Variants in LHPP observed in about 807,000 individuals in gnomAD.
LHPP encodes hLHPP.
In LHPP, 24 loss-of-function variants were observed where a neutral mutation model predicts 30.3. The observed-to-expected ratio is 0.79, with a 90% confidence interval of 0.57 to 1.11. LHPP has a LOEUF of 1.11. Among genes scored for constraint, LHPP ranks in the 50% most tolerant of loss-of-function variants. LHPP has a pLI of 0.00. For missense variants in LHPP, 356 were observed against 367.2 expected (o/e 0.97, Z 0.25); for synonymous variants, 150 against 157.1 (o/e 0.95, Z 0.34).
Position 124,536,353 on chromosome 10 carries a change from G to A in LHPP, c.716+19082G>A, listed in dbSNP as rs535321102. ...TGTCTGGAACCAGGAAAGAGGAAGC[G>A]GTAGTGTTCCCGCATGCAGTCCCAA... On this transcript the variant is annotated intron_variant, in intron 6 of 6. Coordinates refer to ENST00000368842, the MANE Select transcript of LHPP (RefSeq NM_022126.4). 7.9e-5 allele frequency among the ~76,000 whole-genome samples: 12 copies of A among 152,364 alleles called. No homozygotes were observed. The South Asian group carries it at 1.9e-3, about 24-fold the overall frequency.
Position 124,563,313 on chromosome 10 carries a change from C to CTTTTTTTTTTTTT in LHPP, c.716+46045_716+46057dup, listed in dbSNP as rs58678509. On this transcript the variant is annotated intron_variant, in intron 6 of 6. Transcript: ENST00000368842. ...AGAAACAATCTCTCTCTCTCTTTTT[C>CTTTTTTTTTTTTT]TTTTTTTTTTTTTTTGCATAAAATC... Among the ~76,000 whole-genome samples the CTTTTTTTTTTTTT allele has an allele frequency of 1.4e-5, 2 of 138,988 alleles. 1 individual carries two copies. Among genetic ancestry groups the CTTTTTTTTTTTTT allele is most frequent in the Non-Finnish European group, 3.1e-5 (2 of 65,448 alleles). 91.2% of individuals were successfully genotyped at this position (138,988 alleles called of 152,430 possible). A position where few individuals can be genotyped will look rare whatever the true frequency, so the allele number is the denominator to read the frequency against.
At chr10:124,550,692 C>T (rs1024374392) in intron 6 of LHPP, among the ~76,000 whole-genome samples, 12 of 152,190 alleles carry the variant, frequency 7.9e-5, no homozygotes, top group African/African-American at 2.4e-4. Flanking sequence ...CTTGGCTGAT[C>T]GTGGGGAAGA....
At chr10:124,467,404 G>A (rs1467562072) in intron 1 of LHPP, among the ~76,000 whole-genome samples, 1 of 150,966 alleles carries the variant, frequency 6.6e-6, no homozygotes, top group Non-Finnish European at 1.5e-5. Flanking sequence ...GCAGGGAGGG[G>A]GTCATGGGGC....
intron 5 of LHPP, among the ~76,000 whole-genome samples, chr10:124,499,811 T>C (rs1043940346): frequency 6.6e-6 from 1 of 151,924 alleles, no homozygotes; most frequent in Non-Finnish European, 1.5e-5. Flanking sequence ...CACTGGTGCC[T>C]CATGGTGCTT....
At chr10:124,612,952 T>A (rs1949220886) in intron 6 of LHPP, 1 of 420,688 alleles carries the variant, frequency 2.4e-6, no homozygotes, top group South Asian at 2.5e-5. Context: ...CCATCCAAGG[T>A]GAGATGTCTG....
intron 1 of LHPP, among the ~76,000 whole-genome samples, chr10:124,475,876 G>T (rs1182332204): frequency 6.6e-6 from 1 of 152,162 alleles, no homozygotes. Context: ...CTGGGCCTTA[G>T]TATCCCCCTC....
At chr10:124,539,564 C>T (rs964006114) in intron 6 of LHPP, among the ~76,000 whole-genome samples, 4 of 151,950 alleles carry the variant, frequency 2.6e-5, no homozygotes, top group Admixed American at 6.6e-5. Context: ...AGCTCGAGAC[C>T]GCCTCTACTA....
In LHPP at chr10:124,530,361, G is replaced by A. The variant is rs193171807; in HGVS notation, c.716+13090G>A. On this transcript the variant is annotated intron_variant, in intron 6 of 6. Transcript: ENST00000368842. The stretch of plus-strand genomic sequence containing the variant: ...GGCCGGGCCTGCTGGAGCCAGGGCC[G>A]ATGCACGCACAGCTACATACACTCA... Among the ~76,000 whole-genome samples the A allele has an allele frequency of 9.9e-5, 15 of 152,232 alleles. No individual in the cohort carries two copies. The East Asian group carries it at 2.3e-3, about 24-fold the overall frequency.
At chr10:124,598,979 C>A (rs1948988270) in intron 6 of LHPP, among the ~76,000 whole-genome samples, 1 of 150,186 alleles carries the variant, frequency 6.7e-6, no homozygotes, top group South Asian at 2.1e-4. Flanking sequence ...GTCCTTCCAT[C>A]TCCATCTATC....
At chr10:124,532,024 C>A (rs1954912539) in intron 6 of LHPP, among the ~76,000 whole-genome samples, 1 of 152,174 alleles carries the variant, frequency 6.6e-6, no homozygotes, top group Admixed American at 6.5e-5. Context: ...CTATGTAATT[C>A]AGTGGGTTAT....
Position 124,592,354 on chromosome 10 carries a change from C to T in LHPP, c.717-20910C>T, listed in dbSNP as rs368420340. ...TCACCCAGCCCCGGGCTGGCCCTGTCAGCTCTCGAACTGCAGCATACCCGA... is the reference window on the plus strand; with the variant it reads ...TCACCCAGCCCCGGGCTGGCCCTGTTAGCTCTCGAACTGCAGCATACCCGA... On this transcript the variant is annotated intron_variant, in intron 6 of 6. Coordinates refer to ENST00000368842, the MANE Select transcript of LHPP (RefSeq NM_022126.4). The surrounding 1 kb of genome is among the most constrained non-coding windows in gnomAD (Gnocchi z 6.2). Among the ~76,000 whole-genome samples, 1 of 152,196 alleles carries T rather than the reference C, an allele frequency of 6.6e-6. No individual in the cohort carries two copies. The highest frequency in any genetic ancestry group is 1.5e-5 in the Non-Finnish European group (1 of 68,030).
At chr10:124,490,130 C>G in intron 3 of LHPP, 1 of 175,074 alleles carries the variant, frequency 5.7e-6, no homozygotes, top group South Asian at 1.2e-4. Context: ...GTGGGTGTCT[C>G]TCTGTGAGTG....
In LHPP at chr10:124,560,641, C is replaced by G. The variant is rs533880377; in HGVS notation, c.716+43370C>G. Among the ~76,000 whole-genome samples the G allele has an allele frequency of 1.8e-4, 27 of 152,322 alleles. 1 individual carries two copies. Among genetic ancestry groups the G allele is most frequent in the African/African-American group, 6.3e-4 (26 of 41,554 alleles). ...GCCTCTAGAGAACATGCCGTGCTCC[C>G]GACGTCAGGCTCACAGGTGAGCGGG... On this transcript the variant is annotated intron_variant, in intron 6 of 6. Transcript: ENST00000368842.
chr10:124,518,337 C>T (rs1385249324), intron 6 of LHPP, among the ~76,000 whole-genome samples: 1 of 152,344 alleles, frequency 6.6e-6, no homozygotes, highest in Admixed American at 6.5e-5. Flanking sequence ...ACTCACAAGC[C>T]ACAGGAACGT....
At chr10:124,567,724 TATGCACACAC>T (rs893234630) in intron 6 of LHPP, among the ~76,000 whole-genome samples, 16 of 152,302 alleles carry the variant, frequency 1.1e-4, no homozygotes, top group African/African-American at 3.9e-4. Flanking sequence ...TAGACACGCA[TATGCACACAC>T]ATGCACACTC....
At position 124,498,285 on chromosome 10, in the gene LHPP, G is replaced by A. The variant is rs1268127331; in HGVS notation, c.624+157G>A. 3.2e-6 allele frequency: 5 copies of A among 1,564,918 alleles called. No individual in the cohort carries two copies. In the African/African-American group the frequency reaches 5.4e-5, roughly 17 times the overall value. Reference sequence around the variant, plus strand: ...AGCTGACCTGGCTGGGAAGGAGGGGGAAGACAGCAAACGAAATCCACTGAA... The same window carrying A: ...AGCTGACCTGGCTGGGAAGGAGGGGAAAGACAGCAAACGAAATCCACTGAA... On this transcript the variant is annotated intron_variant, in intron 5 of 6. Coordinates refer to ENST00000368842, the MANE Select transcript of LHPP (RefSeq NM_022126.4).
chr10:124,494,450 G>C (rs916342625), intron 3 of LHPP, among the ~76,000 whole-genome samples: 1 of 152,180 alleles, frequency 6.6e-6, no homozygotes, highest in Admixed American at 6.5e-5. Context: ...CATTTCCTGT[G>C]TGGGGTATAT....
At chr10:124,485,504 A>AT (rs1041038097) in intron 2 of LHPP, among the ~76,000 whole-genome samples, 58 of 150,130 alleles carry the variant, frequency 3.9e-4, no homozygotes, top group Middle Eastern at 3.4e-3. Context: ...CAGACTTGGA[A>AT]TTTTTTTTTT....
At chr10:124,546,972 C>T (rs1437843462) in intron 6 of LHPP, among the ~76,000 whole-genome samples, 12 of 152,232 alleles carry the variant, frequency 7.9e-5, no homozygotes, top group East Asian at 3.9e-4. Flanking sequence ...GCTCTTAACC[C>T]GCCTCCCACC....
Sources: gnomAD v4.1 joint callset for allele counts (sites outside exome capture counted in the v4.1 genomes callset) on GRCh38, gnomAD v4.1.1 for gene constraint, Gnocchi (gnomAD v3.1) non-coding constraint, MANE v1.5 for transcripts, NCBI Gene and HGNC (gene_info 2026-07-23, HGNC 2026-07-21) for gene names.